KIAA1549: variants seen among roughly 807,000 people sequenced by gnomAD.
The protein encoded by KIAA1549 is UPF0606 protein KIAA1549.
KIAA1549 carries 70 observed loss-of-function variants against 156.4 expected under a neutral mutation model. The observed-to-expected ratio is 0.45, with a 90% CI of 0.37 to 0.55. The LOEUF is 0.55. KIAA1549 is among the 20% of genes least tolerant of loss of function. The pLI is 0.00. For missense variants in KIAA1549, 2,428 were observed against 2,540.9 expected (o/e 0.96, Z 0.96); for synonymous variants, 1,103 against 1,066.4 (o/e 1.03, Z -0.67).
rs1266922851 is a variant in KIAA1549, at chr7:138,831,700, C to T, written c.*6206G>A. On this transcript the variant is annotated 3_prime_UTR_variant, in exon 20 of 20. Transcript: ENST00000422774. ...TCTGCACATTTCGTACATTAACGCT[C>T]ATAATCTAGGGATGAGTGTGCAGGA... 4.3e-6 allele frequency: 1 copy of T among 230,990 alleles called. No individual in the cohort carries two copies. Among genetic ancestry groups the T allele is most frequent in the Non-Finnish European group, 8.6e-6 (1 of 116,676 alleles). The allele number at this position is 230,990 out of a possible 1,614,324, so 14.3% of individuals were successfully genotyped here.
At position 138,917,661 on chromosome 7, in the gene KIAA1549, C is replaced by A; in HGVS notation, c.1965G>T (p.Leu655Phe). The A allele has an allele frequency of 6.2e-7, 1 of 1,612,732 alleles. No individual in the cohort carries two copies. Residue 655 changes from leucine to phenylalanine, a missense_variant, in exon 2 of 20, where the codon TTG (leucine) becomes TTT (phenylalanine). By Grantham distance (22) the Leu-to-Phe change is conservative. This residue lies in a region of KIAA1549 where 893 missense variants were observed against 847.9 expected (regional missense o/e 1.05). Transcript: ENST00000422774. Reference protein sequence around the residue: ...PASLSLMPSDLSPFTSQSFSP... With the variant: ...PASLSLMPSDFSPFTSQSFSP... ...AAAAAGACTGAGATGTGAAGGGGGACAAGTCACTCGGCATCAGAGACAGAG... is the reference window on the plus strand; with the variant it reads ...AAAAAGACTGAGATGTGAAGGGGGAAAAGTCACTCGGCATCAGAGACAGAG...
chr7:138,851,481 C>A (rs1810230229), intron 17 of KIAA1549, among the ~76,000 whole-genome samples: 1 of 151,844 alleles, frequency 6.6e-6, no homozygotes, highest in East Asian at 1.9e-4. Context: ...TATCTGGATC[C>A]CCTGTAGTTC....
rs1329750918 is a variant in KIAA1549 at position 138,833,320 on chromosome 7, T to C, written c.*4586A>G. On this transcript the variant is annotated 3_prime_UTR_variant, in exon 20 of 20. Coordinates refer to ENST00000422774, the MANE Select transcript of KIAA1549 (RefSeq NM_001164665.2). ...AGAGAGACTTATATAACAACTAATT[T>C]GTGAATTACTGCCAATGCACTGCAA... 4.3e-6 allele frequency: 1 copy of C among 232,458 alleles called. No individual in the cohort carries two copies. Among genetic ancestry groups the C allele is most frequent in the Non-Finnish European group, 8.5e-6 (1 of 117,644 alleles). The allele number at this position is 232,458 out of a possible 1,614,324, so 14.4% of individuals were successfully genotyped here.
intron 4 of KIAA1549, among the ~76,000 whole-genome samples, chr7:138,910,779 A>G (rs1242561202): frequency 2.1e-5 from 3 of 140,466 alleles, no homozygotes; most frequent in African/African-American, 5.5e-5. Flanking sequence ...AACTCAAGTG[A>G]TCCATCTGCC....
chr7:138,906,653 G>T (rs984971448), intron 6 of KIAA1549, among the ~76,000 whole-genome samples: 1 of 152,130 alleles, frequency 6.6e-6, no homozygotes, highest in South Asian at 2.1e-4. Context: ...TGGAGACTTG[G>T]GGGGAAGAGT....
At chr7:138,887,753 T>C (rs996188951) in intron 10 of KIAA1549, among the ~76,000 whole-genome samples, 4 of 152,260 alleles carry the variant, frequency 2.6e-5, no homozygotes, top group East Asian at 1.9e-4. Context: ...ATTTGTGGTA[T>C]GGTTTGCTTT....
intron 1 of KIAA1549, among the ~76,000 whole-genome samples, chr7:138,925,449 G>T (rs1225128811): frequency 1.3e-5 from 2 of 152,066 alleles, no homozygotes; most frequent in Non-Finnish European, 2.9e-5. Flanking sequence ...AGGGGCTGAA[G>T]GCTCTTCATA....
chr7:138,928,917 A>T (rs185873401), intron 1 of KIAA1549, among the ~76,000 whole-genome samples: 2,848 of 151,978 alleles, frequency 0.019, 88 homozygotes, highest in African/African-American at 0.065. Flanking sequence ...AAAATACATT[A>T]AAAAAAATGT....
At chr7:138,909,745 G>A (rs936837717) in intron 4 of KIAA1549, among the ~76,000 whole-genome samples, 12 of 151,812 alleles carry the variant, frequency 7.9e-5, no homozygotes, top group South Asian at 2.1e-4. Context: ...TCAGGAGTTC[G>A]AAACCAGCCT....
At chr7:138,937,774 T>G (rs1813060804) in intron 1 of KIAA1549, among the ~76,000 whole-genome samples, 1 of 151,992 alleles carries the variant, frequency 6.6e-6, no homozygotes, top group African/African-American at 2.4e-5. Context: ...AGGAGCCAAC[T>G]CGGGGTGGAT....
At chr7:138,952,976 G>A (rs182830372) in intron 1 of KIAA1549, among the ~76,000 whole-genome samples, 8 of 152,316 alleles carry the variant, frequency 5.3e-5, no homozygotes, top group Admixed American at 3.3e-4. Flanking sequence ...GGATTTACCC[G>A]TAAGGACAAA....
At chr7:138,844,534 T>G in intron 17 of KIAA1549, 60 bp from the exon 18 acceptor site, 1 of 1,428,284 alleles carries the variant, frequency 7.0e-7, no homozygotes, top group Non-Finnish European at 9.3e-7. Context: ...TGGTATTCCA[T>G]GAGGTCCACC....
At chr7:138,906,719 AT>A (rs1294056482) in intron 6 of KIAA1549, among the ~76,000 whole-genome samples, 199 bp downstream of exon 6, 1 of 152,084 alleles carries the variant, frequency 6.6e-6, no homozygotes, top group Non-Finnish European at 1.5e-5. Context: ...TGCTCGGGTG[AT>A]GGGTGCACCA....
chr7:138,834,983 A>AC lies in KIAA1549; in HGVS notation c.*2922_*2923insG, dbSNP rs951963726. The AC allele has an allele frequency of 2.6e-5, 6 of 229,274 alleles. No homozygotes were observed. The highest frequency in any genetic ancestry group is 1.3e-4 in the African/African-American group (6 of 45,084). 14.2% of individuals were successfully genotyped at this position (229,274 alleles called of 1,614,324 possible). On this transcript the variant is annotated 3_prime_UTR_variant, in exon 20 of 20. Coordinates refer to ENST00000422774, the MANE Select transcript of KIAA1549 (RefSeq NM_001164665.2). ...ACAAAGTAGTCTCTGAAAAAAAAAA[A>AC]AACAACATTTCTCCAAACATTCTGA...
chr7:138,837,142 T>G lies in KIAA1549; in HGVS notation c.*764A>C, dbSNP rs936871665. 8.8e-6 allele frequency: 2 copies of G among 226,530 alleles called. No homozygotes were observed. The highest frequency in any genetic ancestry group is 3.7e-4 in the South Asian group (2 of 5,460). 14.0% of individuals were successfully genotyped at this position (226,530 alleles called of 1,614,324 possible). A position where few individuals can be genotyped will look rare whatever the true frequency, so the allele number is the denominator to read the frequency against. On this transcript the variant is annotated 3_prime_UTR_variant, in exon 20 of 20. Transcript: ENST00000422774. ...AAACTTTGATCTGTATTTTGGATAA[T>G]CAAATAAATATAAAGCTTTTTGCCC...
chr7:138,861,366 T>C lies in KIAA1549; in HGVS notation c.5020A>G (p.Ile1674Val), dbSNP rs1359385980. The C allele has an allele frequency of 1.2e-6, 2 of 1,610,468 alleles. No homozygotes were observed. The highest frequency in any genetic ancestry group is 2.7e-5 in the African/African-American group (2 of 74,644). Residue 1674 changes from isoleucine to valine, a missense_variant, in exon 16 of 20, where the codon ATC (isoleucine) becomes GTC (valine). Ile to Val is a conservative substitution (Grantham distance 29, BLOSUM62 3). This residue lies in a region of KIAA1549 where 6 missense variants were observed against 20.4 expected (regional missense o/e 0.29). Transcript: ENST00000422774. ...PALPFPASQYIPPQPSIEEAR... is the reference protein window; with the variant it reads ...PALPFPASQYVPPQPSIEEAR... Reference sequence around the variant, plus strand: ...TCCTCGATGGACGGCTGGGGTGGGATGTACTGGGAGGCCGGGAAGGGAAGG... The same window carrying C: ...TCCTCGATGGACGGCTGGGGTGGGACGTACTGGGAGGCCGGGAAGGGAAGG...
intron 1 of KIAA1549, among the ~76,000 whole-genome samples, chr7:138,950,458 G>A (rs745964108): frequency 1.3e-5 from 2 of 152,084 alleles, no homozygotes; most frequent in Non-Finnish European, 2.9e-5. Context: ...TCACTTAAGC[G>A]TGCAGGGAGA....
chr7:138,971,864 A>G (rs1008023953), intron 1 of KIAA1549, among the ~76,000 whole-genome samples: 1 of 152,170 alleles, frequency 6.6e-6, no homozygotes, highest in Non-Finnish European at 1.5e-5. Context: ...CTGCTATCTG[A>G]GCACACAGGC....
Position 138,929,054 on chromosome 7 carries a change from G to A in KIAA1549, c.188-9616C>T, listed in dbSNP as rs949433481. Among the ~76,000 whole-genome samples, 18 of 152,108 alleles carry A rather than the reference G, an allele frequency of 1.2e-4. 1 individual carries two copies. The highest frequency in any genetic ancestry group is 6.2e-4 in the South Asian group (3 of 4,820). On this transcript the variant is annotated intron_variant, in intron 1 of 19. Transcript: ENST00000422774. ...TGACGGCTGCTGGCTGATGAGGGTG[G>A]GTGGCTGATGAAGGTTAGGGTGGCT...
Sources: gnomAD v4.1 joint callset for allele counts (sites outside exome capture counted in the v4.1 genomes callset) on GRCh38, gnomAD v4.1.1 for gene constraint, gnomAD v4.1.1 regional missense constraint, MANE v1.5 for transcripts, NCBI Gene and HGNC (gene_info 2026-07-23, HGNC 2026-07-21) for gene names.